CREB5: variants seen among roughly 807,000 people sequenced by gnomAD.
The protein encoded by CREB5 is cAMP responsive element binding protein 5.
A neutral mutation model predicts 57.1 loss-of-function variants in CREB5; 19 were observed. The ratio of observed to expected loss-of-function variants is 0.33; its 90% confidence interval spans 0.23 to 0.49. The LOEUF (loss-of-function observed/expected upper bound fraction) is 0.49. CREB5 is among the 20% of genes least tolerant of loss of function. CREB5 has a pLI of 0.99. For missense variants in CREB5, 579 were observed against 671.6 expected, an observed-to-expected ratio of 0.86 and a Z score of 1.52; for synonymous variants, 238 against 238.3, an observed-to-expected ratio of 1.00 and a Z score of 0.01.
At chr7:28,756,589 TA>T (rs1463670850) in intron 7 of CREB5, among the ~76,000 whole-genome samples, 2 of 150,584 alleles carry the variant, frequency 1.3e-5, no homozygotes, top group Non-Finnish European at 3.0e-5. Context: ...TGAGTCTAAG[TA>T]GCCCTTGCAT....
chr7:28,801,969 C>T (rs1808393382), intron 7 of CREB5, among the ~76,000 whole-genome samples: 1 of 149,980 alleles, frequency 6.7e-6, no homozygotes, highest in Non-Finnish European at 1.5e-5. Context: ...CCTGTAGTCC[C>T]AGCTACTCAG....
chr7:28,767,895 C>T (rs780833792), intron 7 of CREB5, among the ~76,000 whole-genome samples: 1 of 152,252 alleles, frequency 6.6e-6, no homozygotes, highest in African/African-American at 2.4e-5. Flanking sequence ...GGGATTTTTG[C>T]ATCCATTCAG....
chr7:28,427,459 G>A (rs761231451), intron 1 of CREB5, among the ~76,000 whole-genome samples: 2 of 152,146 alleles, frequency 1.3e-5, no homozygotes, highest in Non-Finnish European at 2.9e-5. Context: ...CAAGAGAAAT[G>A]TATACTCTGA....
intron 1 of CREB5, among the ~76,000 whole-genome samples, chr7:28,393,035 C>A (rs1335651205): frequency 6.6e-6 from 1 of 152,102 alleles, no homozygotes; most frequent in Non-Finnish European, 1.5e-5. Context: ...AGCGATTCTC[C>A]TGTCTCAGCC....
intron 1 of CREB5, among the ~76,000 whole-genome samples, chr7:28,434,215 ATC>A (rs1203100113): frequency 1.3e-5 from 2 of 152,150 alleles, no homozygotes; most frequent in East Asian, 3.9e-4. Context: ...TCTCAGCTCC[ATC>A]TCCACCACCT....
chr7:28,385,849 A>G (rs1679852982), intron 1 of CREB5, among the ~76,000 whole-genome samples: 1 of 152,104 alleles, frequency 6.6e-6, no homozygotes, highest in Non-Finnish European at 1.5e-5. Context: ...GAGTTTCTAG[A>G]TCATTTTTTA....
intron 5 of CREB5, among the ~76,000 whole-genome samples, chr7:28,623,242 T>C (rs902589632): frequency 1.3e-5 from 2 of 152,198 alleles, no homozygotes; most frequent in South Asian, 2.1e-4. Flanking sequence ...GTCCAGCCCA[T>C]AGGAATACAG....
chr7:28,561,029 T>TGTGC (rs1795250061), intron 4 of CREB5, among the ~76,000 whole-genome samples: 3 of 65,210 alleles, frequency 4.6e-5, no homozygotes, highest in East Asian at 9.3e-4. Flanking sequence ...TGTGTGCGTG[T>TGTGC]GTGTGTGTGT....
At chr7:28,610,560 C>A (rs1472818156) in intron 5 of CREB5, among the ~76,000 whole-genome samples, 2 of 152,138 alleles carry the variant, frequency 1.3e-5, no homozygotes, top group African/African-American at 4.8e-5. Context: ...ACAAGAACTG[C>A]ATTGACAGGC....
At chr7:28,763,724 A>G (rs1182842123) in intron 7 of CREB5, among the ~76,000 whole-genome samples, 1 of 152,034 alleles carries the variant, frequency 6.6e-6, no homozygotes, top group Non-Finnish European at 1.5e-5. Context: ...ATATTTTTCC[A>G]TTAGCAAAGT....
chr7:28,817,982 T>G, intron 9 of CREB5, 89 bp from the exon 10 acceptor site: 2 of 835,462 alleles, frequency 2.4e-6, no homozygotes, highest in African/African-American at 1.7e-5. Context: ...AATGGAAGAG[T>G]TTGCCAGTTT....
chr7:28,403,845 C>T (rs1191606970), intron 1 of CREB5, among the ~76,000 whole-genome samples: 1 of 152,118 alleles, frequency 6.6e-6, no homozygotes, highest in Non-Finnish European at 1.5e-5. Context: ...AAGTCAGTCT[C>T]TTGACTTGTC....
rs186927578 is a variant in CREB5 at position 28,492,950 on chromosome 7, G to A, written c.76-1956G>A. On this transcript the variant is annotated intron_variant, in intron 2 of 10. Transcript: ENST00000357727. ...GGATGAACCAGTAGCAAAAAATCAT[G>A]TCATATAAAGCAAACTTCAGTGTAT... 1.3e-3 allele frequency among the ~76,000 whole-genome samples: 192 copies of A among 151,952 alleles called. 2 individuals carry two copies. Among genetic ancestry groups the A allele is most frequent in the Admixed American group, 0.011 (173 of 15,252 alleles).
intron 1 of CREB5, among the ~76,000 whole-genome samples, chr7:28,475,250 C>CTTTTTTTTT (rs530903709): frequency 8.4e-5 from 5 of 59,586 alleles, no homozygotes; most frequent in African/African-American, 3.0e-4. Context: ...TCAGAAGTTT[C>CTTTTTTTTT]TTTTTTTTTT....
Position 28,631,189 on chromosome 7 carries a change from C to A in CREB5, c.464+60652C>A, listed in dbSNP as rs141999898. Among the ~76,000 whole-genome samples the A allele has an allele frequency of 4.1e-3, 622 of 152,234 alleles. 4 individuals are homozygous for A. The highest frequency in any genetic ancestry group is 0.014 in the African/African-American group (602 of 41,528). Reference sequence around the variant, plus strand: ...GACAAAGATTTCAGGGATGTTGATTCCTAATCACTGACTGCTTTAATCTGC... The same window carrying A: ...GACAAAGATTTCAGGGATGTTGATTACTAATCACTGACTGCTTTAATCTGC... On this transcript the variant is annotated intron_variant, in intron 5 of 10. Coordinates refer to ENST00000357727, the MANE Select transcript of CREB5 (RefSeq NM_182898.4).
intron 5 of CREB5, among the ~76,000 whole-genome samples, chr7:28,651,398 A>G (rs1393640782): frequency 6.6e-6 from 1 of 152,124 alleles, no homozygotes; most frequent in East Asian, 1.9e-4. Flanking sequence ...TGTTAATGTC[A>G]TAGCAGCATA....
At chr7:28,803,992 C>G (rs970260014) in intron 7 of CREB5, among the ~76,000 whole-genome samples, 2 of 152,038 alleles carry the variant, frequency 1.3e-5, no homozygotes, top group Non-Finnish European at 2.9e-5. Context: ...CTGACATTGA[C>G]CCTCCTACTG....
chr7:28,383,960 T>C (rs1293952493), intron 1 of CREB5, among the ~76,000 whole-genome samples: 1 of 152,250 alleles, frequency 6.6e-6, no homozygotes, highest in Admixed American at 6.5e-5. Flanking sequence ...AATAACCTCA[T>C]TGCTCTTTAC....
chr7:28,426,922 C>T (rs1198252644), intron 1 of CREB5, among the ~76,000 whole-genome samples: 2 of 152,178 alleles, frequency 1.3e-5, no homozygotes, highest in Non-Finnish European at 2.9e-5. Flanking sequence ...ACTAAAGAGA[C>T]ACTCACTCAT....
Sources: allele counts gnomAD v4.1 joint callset (sites outside exome capture counted in the v4.1 genomes callset), GRCh38; gene constraint gnomAD v4.1.1; transcripts MANE v1.5; gene names NCBI Gene and HGNC (gene_info 2026-07-23, HGNC 2026-07-21).